Variants in MTA3 observed in about 807,000 individuals in gnomAD.
MTA3 encodes metastasis associated 1 family member 3.
A neutral mutation model predicts 83.5 loss-of-function variants in MTA3; 34 were observed. The ratio of observed to expected loss-of-function variants is 0.41; its 90% CI spans 0.31 to 0.54. The LOEUF (loss-of-function observed/expected upper bound fraction) is 0.54. Ranked by LOEUF, MTA3 falls within the 20% of genes least tolerant of loss-of-function variation. The pLI, the probability that MTA3 is intolerant of heterozygous loss-of-function variation, is 0.33. For missense variants in MTA3, 761 were observed against 726.4 expected (o/e 1.05, Z -0.55); for synonymous variants, 303 against 252.7 (o/e 1.20, Z -1.89).
At chr2:42,632,369 C>G (rs569145353) in intron 4 of MTA3, among the ~76,000 whole-genome samples, 195 of 152,202 alleles carry the variant, frequency 1.3e-3, no homozygotes, top group Admixed American at 2.8e-3. Context: ...GGATTACAGG[C>G]TTGAGCCACC....
rs140645237 is a variant in MTA3, at chr2:42,510,447, G to A, written c.-141+15193G>A. ...AGTTCTTGAGATCAGCTCCCATCAT[G>A]TCTGGGTCCCCGCCTTCACCCCTTC... On this transcript the variant is annotated intron_variant, in intron 2 of 17. Transcript: ENST00000405592. 6.6e-5 allele frequency among the ~76,000 whole-genome samples: 10 copies of A among 152,026 alleles called. No homozygotes were observed. In the East Asian group the frequency reaches 1.4e-3, roughly 21 times the overall value.
chr2:42,622,146 C>T (rs1432941622), intron 4 of MTA3, among the ~76,000 whole-genome samples: 1 of 152,232 alleles, frequency 6.6e-6, no homozygotes, highest in Non-Finnish European at 1.5e-5. Context: ...AGTCCGTCTG[C>T]AATCCCGGCA....
At chr2:42,540,719 T>A (rs1241294088) in intron 2 of MTA3, among the ~76,000 whole-genome samples, 1 of 151,194 alleles carries the variant, frequency 6.6e-6, no homozygotes, top group East Asian at 2.0e-4. Flanking sequence ...CCTGTAGTCC[T>A]ACCTACTTGG....
At chr2:42,514,681 C>CCTTTTTTTTTTTTTTTTT in intron 2 of MTA3, among the ~76,000 whole-genome samples, 1 of 35,838 alleles carries the variant, frequency 2.8e-5, no homozygotes, top group Non-Finnish European at 5.1e-5. Context: ...GCGCCCAGCC[C>CCTTTTTTTTTTTTTTTTT]CTTTTTTTTT....
At chr2:42,525,351 C>G (rs1412855862) in intron 2 of MTA3, among the ~76,000 whole-genome samples, 1 of 152,076 alleles carries the variant, frequency 6.6e-6, no homozygotes, top group Non-Finnish European at 1.5e-5. Context: ...AGGCACTTAC[C>G]ACCATGCCTG....
At chr2:42,701,445 TAAAG>T (rs1296068303) in intron 11 of MTA3, among the ~76,000 whole-genome samples, 8 of 89,556 alleles carry the variant, frequency 8.9e-5, no homozygotes, top group South Asian at 3.5e-4. Context: ...AAAAAGTAAA[TAAAG>T]AGCCAGGCAT....
At chr2:42,648,988 A>G (rs1688456153) in intron 6 of MTA3, among the ~76,000 whole-genome samples, 1 of 152,188 alleles carries the variant, frequency 6.6e-6, no homozygotes, top group African/African-American at 2.4e-5. Context: ...ATGATAGTGT[A>G]TGTAATACAT....
intron 2 of MTA3, among the ~76,000 whole-genome samples, chr2:42,552,570 G>A (rs1400631321): frequency 6.7e-6 from 1 of 148,714 alleles, no homozygotes; most frequent in Non-Finnish European, 1.5e-5. Context: ...TGCAATAAAC[G>A]CCCAGATGGC....
At chr2:42,590,634 T>TTTTTTTTTTTTTG in intron 3 of MTA3, among the ~76,000 whole-genome samples, 1 of 16,616 alleles carries the variant, frequency 6.0e-5, no homozygotes, top group Non-Finnish European at 1.3e-4. Context: ...TTTTTTTTTG[T>TTTTTTTTTTTTTG]GAGGTGGAGT....
chr2:42,561,943 A>T, intron 2 of MTA3, among the ~76,000 whole-genome samples: 1 of 152,128 alleles, frequency 6.6e-6, no homozygotes, highest in East Asian at 1.9e-4. Context: ...AGCTTCAAAC[A>T]ATTCATTCTC....
chr2:42,594,341 A>G (rs1238905004), intron 3 of MTA3, among the ~76,000 whole-genome samples: 1 of 147,208 alleles, frequency 6.8e-6, no homozygotes, highest in Non-Finnish European at 1.5e-5. Context: ...GGCTCAAGCA[A>G]TTCTTATGCC....
intron 2 of MTA3, among the ~76,000 whole-genome samples, chr2:42,525,475 A>ATTCCTTCCTTCCTTCCTTCTTTCC (rs1553337620): frequency 3.7e-5 from 5 of 135,594 alleles, no homozygotes; most frequent in Admixed American, 7.6e-5. Context: ...GCTAGGATCA[A>ATTCCTTCCTTCCTTCCTTCTTTCC]TTCCTTCCTT....
chr2:42,514,212 C>CA (rs1019974163), intron 2 of MTA3, among the ~76,000 whole-genome samples: 60 of 146,768 alleles, frequency 4.1e-4, no homozygotes, highest in Middle Eastern at 3.5e-3. Flanking sequence ...GACTCCGTCT[C>CA]AAAAAAAAAC....
rs144440099 is a variant in MTA3, at chr2:42,669,512, A to G, written c.702+9650A>G. Among the ~76,000 whole-genome samples the G allele has an allele frequency of 5.1e-3, 779 of 152,320 alleles. 10 individuals carry two copies. Among genetic ancestry groups the G allele is most frequent in the African/African-American group, 0.017 (716 of 41,564 alleles). On this transcript the variant is annotated intron_variant, in intron 8 of 16. Coordinates refer to ENST00000405094, the MANE Select transcript of MTA3 (RefSeq NM_001330442.2). ...AACCCATGAAAAACTTATCACGGGT[A>G]CTGTTCATGTTTCCAAGGCTATAAA...
At chr2:42,721,044 G>A (rs1339490856) in intron 15 of MTA3, among the ~76,000 whole-genome samples, 1 of 151,634 alleles carries the variant, frequency 6.6e-6, no homozygotes. Flanking sequence ...CCTACTGTGG[G>A]CAAATTGGTC....
intron 12 of MTA3, 55 bp from the exon 13 acceptor site, chr2:42,707,848 G>A: frequency 7.0e-7 from 1 of 1,421,616 alleles, no homozygotes; most frequent in Non-Finnish European, 9.4e-7. Flanking sequence ...ATTTTGTGTT[G>A]ATGTTACAAA....
chr2:42,729,105 T>TTTTTTTTG (rs1668058346), intron 16 of MTA3, among the ~76,000 whole-genome samples: 3 of 131,522 alleles, frequency 2.3e-5, no homozygotes, highest in African/African-American at 8.7e-5. Context: ...TTTTTTTTTT[T>TTTTTTTTG]TTTTTTTTCA....
intron 6 of MTA3, among the ~76,000 whole-genome samples, chr2:42,651,940 A>G (rs1688757507): frequency 6.6e-6 from 1 of 150,524 alleles, no homozygotes; most frequent in Admixed American, 6.6e-5. Context: ...CTAAAAATAC[A>G]AAAAAATTAG....
chr2:42,711,755 C>A (rs1047736476), intron 14 of MTA3, among the ~76,000 whole-genome samples: 12 of 71,624 alleles, frequency 1.7e-4, no homozygotes, highest in African/African-American at 2.3e-4. Context: ...TGTCTGTGAT[C>A]TACTGGGAGT....
Sources: gnomAD v4.1 joint callset for allele counts (sites outside exome capture counted in the v4.1 genomes callset) on GRCh38, gnomAD v4.1.1 for gene constraint, MANE v1.5 for transcripts, NCBI Gene and HGNC (gene_info 2026-07-23, HGNC 2026-07-21) for gene names.